MYO18B: variants seen among roughly 807,000 people sequenced by gnomAD.
MYO18B encodes unconventional myosin-XVIIIb.
Under a neutral mutation model 273.0 loss-of-function variants are expected in MYO18B, and 204 were observed. The ratio of observed to expected loss-of-function variants is 0.75; its 90% CI spans 0.67 to 0.84. The LOEUF (loss-of-function observed/expected upper bound fraction) is 0.84, where lower values mean the gene tolerates loss of function less well. Ranked by LOEUF, MYO18B falls within the 40% of genes least tolerant of loss-of-function variation. MYO18B has a pLI of 0.00. For synonymous variants in MYO18B, 1,330 were observed against 1,305.7 expected (o/e 1.02, Z -0.40); for missense variants, 3,212 against 3,287.6 (o/e 0.98, Z 0.56).
At chr22:25,772,732 C>T (rs1312159861) in intron 7 of MYO18B, among the ~76,000 whole-genome samples, 1 of 152,238 alleles carries the variant, frequency 6.6e-6, no homozygotes, top group Admixed American at 6.5e-5. Flanking sequence ...GAAACAGCAG[C>T]ATTAAATATC....
At chr22:26,035,362 G>A (rs1936758748), downstream of MYO18B, among the ~76,000 whole-genome samples, 1 of 152,164 alleles carries the variant, frequency 6.6e-6, no homozygotes, top group South Asian at 2.1e-4. Context: ...CCTGCTGTCA[G>A]GGACCCATAG....
chr22:26,022,373 A>T (rs561126047), intron 42 of MYO18B, among the ~76,000 whole-genome samples: 1 of 152,138 alleles, frequency 6.6e-6, no homozygotes, highest in South Asian at 2.1e-4. Context: ...ATCCAGCCTC[A>T]CTCAGCAGAA....
At chr22:26,032,219 T>A (rs1001947582), downstream of MYO18B, among the ~76,000 whole-genome samples, 4 of 152,196 alleles carry the variant, frequency 2.6e-5, no homozygotes, top group Non-Finnish European at 4.4e-5. Context: ...GCATACTGTA[T>A]TAGTTTGCTA....
chr22:26,015,471 TA>T (rs1321147464), intron 42 of MYO18B, among the ~76,000 whole-genome samples: 3 of 152,242 alleles, frequency 2.0e-5, no homozygotes, highest in Non-Finnish European at 4.4e-5. Context: ...TATGCAGCCA[TA>T]AAAAAGAATG....
intron 39 of MYO18B, among the ~76,000 whole-genome samples, chr22:25,975,379 G>T (rs1341264896): frequency 6.6e-6 from 1 of 152,140 alleles, no homozygotes; most frequent in Non-Finnish European, 1.5e-5. Context: ...GTGAGCCCCG[G>T]CATCCTAATA....
intron 12 of MYO18B, among the ~76,000 whole-genome samples, chr22:25,806,756 C>A (rs1601752932): frequency 6.6e-6 from 1 of 152,310 alleles, no homozygotes; most frequent in East Asian, 1.9e-4. Context: ...GCAATGGATG[C>A]TCTCTGGAGC....
intron 40 of MYO18B, among the ~76,000 whole-genome samples, chr22:26,001,208 C>A (rs1159667423): frequency 6.6e-6 from 1 of 152,120 alleles, no homozygotes; most frequent in Non-Finnish European, 1.5e-5. Flanking sequence ...TGCAGATCTT[C>A]CTGTTAAGGT....
rs758734082 is a variant in MYO18B, at chr22:25,832,893, C to T, written c.2980-24C>T. On this transcript the variant is annotated intron_variant, in intron 15 of 43. Transcript: ENST00000335473. The stretch of plus-strand genomic sequence containing the variant: ...CCCTTCAGCTCGCTAAAAGTGCTAA[C>T]TTTTAAATCCTGTTATTTTCCAGGA... 11 of 1,610,266 alleles carry T rather than the reference C, an allele frequency of 6.8e-6. No individual in the cohort carries two copies. The African/African-American group carries it at 1.5e-4, about 21-fold the overall frequency.
intron 9 of MYO18B, among the ~76,000 whole-genome samples, chr22:25,780,639 A>C (rs563185804): frequency 6.7e-6 from 1 of 148,196 alleles, no homozygotes. Flanking sequence ...AAGAAAGAAA[A>C]TAGTAATAAT....
chr22:25,815,267 C>T (rs940508400), intron 12 of MYO18B, among the ~76,000 whole-genome samples: 1 of 152,192 alleles, frequency 6.6e-6, no homozygotes, highest in Non-Finnish European at 1.5e-5. Flanking sequence ...TAGATCTGGG[C>T]TTGGTCCTGG....
At chr22:25,776,750 T>C (rs1045804445) in intron 7 of MYO18B, among the ~76,000 whole-genome samples, 7 of 152,202 alleles carry the variant, frequency 4.6e-5, no homozygotes, top group African/African-American at 1.4e-4. Flanking sequence ...TTTGTGAACA[T>C]ACATTTTGAT....
At chr22:25,846,395 G>A in intron 19 of MYO18B, 112 bp downstream of exon 19, 3 of 1,204,286 alleles carry the variant, frequency 2.5e-6, no homozygotes, top group Admixed American at 2.5e-5. Context: ...CAAGGCCAGA[G>A]GGGCGAGTGT....
chr22:25,752,153 T>C (rs1301262611), intron 1 of MYO18B, among the ~76,000 whole-genome samples: 1 of 124,602 alleles, frequency 8.0e-6, no homozygotes, highest in African/African-American at 3.1e-5. Context: ...CACCTACTTA[T>C]TCATTTGACA....
rs1486687091 is a variant in MYO18B, at chr22:25,847,573, T to C, written c.3696T>C (p.Pro1232=). 1 of 1,567,792 alleles carries C rather than the reference T, an allele frequency of 6.4e-7. No homozygotes were observed. The highest frequency in any genetic ancestry group is 8.6e-7 in the Non-Finnish European group (1 of 1,156,318). Residue 1232 remains proline (P), a synonymous_variant, in exon 20 of 44, where the codon CCT becomes CCC. Transcript: ENST00000335473. ...GAGACAAGCCTGGGGCAGGTGGACC[T>C]CTGGCCCTGGATATCCCAGCACTGA... ...PGRDKPGAGG[P]LALDIPALRV...
At chr22:25,874,541 A>C in intron 23 of MYO18B, 127 bp downstream of exon 23, 1 of 1,169,498 alleles carries the variant, frequency 8.6e-7, no homozygotes, top group Non-Finnish European at 1.2e-6. Context: ...TGAGACTTTA[A>C]GTGAGGCTTT....
At chr22:25,835,556 C>T (rs2089868423) in intron 17 of MYO18B, 113 bp downstream of exon 17, 2 of 1,328,516 alleles carry the variant, frequency 1.5e-6, no homozygotes, top group Non-Finnish European at 2.1e-6. Flanking sequence ...CTCCAACGTG[C>T]AGAGGTGAAT....
Position 25,792,497 on chromosome 22 carries a change from C to CTTTT in MYO18B, c.2377-5443_2377-5440dup, listed in dbSNP as rs58679561. Among the ~76,000 whole-genome samples, 90 of 107,924 alleles carry CTTTT rather than the reference C, an allele frequency of 8.3e-4. 11 individuals are homozygous for CTTTT. Among genetic ancestry groups the CTTTT allele is most frequent in the African/African-American group, 2.7e-3 (74 of 27,388 alleles). 70.8% of individuals were successfully genotyped at this position (107,924 alleles called of 152,430 possible). A position where few individuals can be genotyped will look rare whatever the true frequency, so the allele number is the denominator to read the frequency against. ...GTGATGTTTCTTTTTTTTTTCTTTT[C>CTTTT]TTTTTTTTTTTTTTTTGAGACAGAG... On this transcript the variant is annotated intron_variant, in intron 11 of 43. Coordinates refer to ENST00000335473, the MANE Select transcript of MYO18B (RefSeq NM_032608.7).
At chr22:25,925,541 C>T (rs1221903270) in intron 34 of MYO18B, among the ~76,000 whole-genome samples, 4 of 152,166 alleles carry the variant, frequency 2.6e-5, no homozygotes, top group South Asian at 2.1e-4. Flanking sequence ...TTTTCTAAAG[C>T]GAAGCATCAT....
At chr22:25,785,578 T>G in intron 11 of MYO18B, 87 bp downstream of exon 11, 4 of 1,386,368 alleles carry the variant, frequency 2.9e-6, no homozygotes, top group Non-Finnish European at 4.0e-6. Context: ...AACTTGTCTC[T>G]TTTGGTACTG....
Sources: gnomAD v4.1 joint callset for allele counts (sites outside exome capture counted in the v4.1 genomes callset) on GRCh38, gnomAD v4.1.1 for gene constraint, MANE v1.5 for transcripts, NCBI Gene and HGNC (gene_info 2026-07-23, HGNC 2026-07-21) for gene names.